CLCN7: variants seen among roughly 807,000 people sequenced by gnomAD.
CLCN7 encodes Cl-/H+ antiporter 7.
In CLCN7, 60 loss-of-function variants were observed where a neutral mutation model predicts 102.1. That is an observed-to-expected ratio of 0.59 (90% CI 0.48 to 0.73). The LOEUF is 0.73. Among genes scored for constraint, CLCN7 ranks in the 30% least tolerant of loss-of-function variants. The probability of loss-of-function intolerance (pLI) is 0.00; values close to 1 mark genes in which losing one functional copy is unlikely to be tolerated. For synonymous variants in CLCN7, 560 were observed against 490.5 expected, an observed-to-expected ratio of 1.14 and a Z score of -1.87; for missense variants, 962 against 1,125.7, an observed-to-expected ratio of 0.85 and a Z score of 2.08.
chr16:1,460,261 C>A (rs2038911973), intron 6 of CLCN7, among the ~76,000 whole-genome samples, 157 bp downstream of exon 6: 1 of 151,746 alleles, frequency 6.6e-6, no homozygotes, highest in Non-Finnish European at 1.5e-5. Context: ...GTCTGCTCCT[C>A]CTGAGGTTGT....
chr16:1,452,429 G>A (rs541429222), intron 15 of CLCN7: 18 of 392,206 alleles, frequency 4.6e-5, no homozygotes, highest in Admixed American at 7.9e-5. Context: ...AGTTGTGGAC[G>A]GAGGTTTGCA....
intron 1 of CLCN7, among the ~76,000 whole-genome samples, chr16:1,468,999 T>C (rs577430031): frequency 6.9e-6 from 1 of 145,846 alleles, no homozygotes; most frequent in Non-Finnish European, 1.5e-5. Context: ...GAGACCAGCC[T>C]GGCCAACATG....
chr16:1,452,676 C>T, intron 15 of CLCN7, 79 bp downstream of exon 15: 1 of 1,480,822 alleles, frequency 6.8e-7, no homozygotes, highest in Non-Finnish European at 9.1e-7. Flanking sequence ...AGCCCTCCTC[C>T]CGTAGCCTAA....
chr16:1,450,292 T>C, intron 17 of CLCN7: 2 of 548,704 alleles, frequency 3.6e-6, no homozygotes, highest in East Asian at 2.8e-5. Flanking sequence ...ACTCCACACA[T>C]GGGCTGCGCT....
chr16:1,451,570 C>T, intron 16 of CLCN7, 53 bp downstream of exon 16: 1 of 1,502,128 alleles, frequency 6.7e-7, no homozygotes, highest in Non-Finnish European at 9.2e-7. Flanking sequence ...AGCCAGAAGG[C>T]ATCACCCAGG....
At position 1,451,726 on chromosome 16, in the gene CLCN7, C is replaced by T. The variant is rs539676478; in HGVS notation, c.1354-10G>A. On this transcript the variant is annotated splice_polypyrimidine_tract_variant and intron_variant, in intron 15 of 24. Coordinates refer to ENST00000382745, the MANE Select transcript of CLCN7 (RefSeq NM_001287.6). ...CATCTGCACAAAAGAGCTGTGGGGT[C>T]GGGAGAGAGCACACGTTGGGAGGGG... The T allele has an allele frequency of 1.6e-5, 25 of 1,610,404 alleles. No homozygotes were observed. Among genetic ancestry groups the T allele is most frequent in the African/African-American group, 2.7e-5 (2 of 74,988 alleles).
rs181677844 is a variant in CLCN7, at chr16:1,452,383, G to A, written c.1353+372C>T. The A allele has an allele frequency of 6.1e-3, 1,867 of 305,580 alleles. 11 individuals are homozygous for A. The highest frequency in any genetic ancestry group is 9.9e-3 in the Non-Finnish European group (1,574 of 158,686). 18.9% of individuals were successfully genotyped at this position (305,580 alleles called of 1,614,324 possible). On this transcript the variant is annotated intron_variant, in intron 15 of 24. Coordinates refer to ENST00000382745, the MANE Select transcript of CLCN7 (RefSeq NM_001287.6). ...CGTGTCACAGTGCAGATGGACGCAC[G>A]GACGGCGGTGAGCCGTGAGCGCCAG...
At chr16:1,460,284 CG>C (rs2038912572) in intron 6 of CLCN7, 133 bp downstream of exon 6, 1 of 711,572 alleles carries the variant, frequency 1.4e-6, no homozygotes, top group African/African-American at 1.8e-5. Context: ...GTCTGGACCA[CG>C]TGATTCTAAA....
Position 1,452,780 on chromosome 16 carries a change from C to T in CLCN7, c.1328G>A (p.Gly443Glu), listed in dbSNP as rs2038773164. 4 of 1,605,186 alleles carry T rather than the reference C, an allele frequency of 2.5e-6. No individual in the cohort carries two copies. The highest frequency in any genetic ancestry group is 3.4e-6 in the Non-Finnish European group (4 of 1,176,488). The part of the protein sequence containing the change: ...YSSRDCQPLQ[G>E]GSMSYPLQLF... ...CTGCAGCGGGTAGGACATGGAGCCCCCCTGCAGGGGCTGGCAATCCCGCGA... is the reference window on the plus strand; with the variant it reads ...CTGCAGCGGGTAGGACATGGAGCCCTCCTGCAGGGGCTGGCAATCCCGCGA... Residue 443 changes from glycine (G) to glutamate (E), a missense_variant, in exon 15 of 25, where the codon GGG becomes GAG. Physicochemically the swap from Gly to Glu is moderately conservative, Grantham distance 98 (BLOSUM62 -2). Coordinates refer to ENST00000382745, the MANE Select transcript of CLCN7 (RefSeq NM_001287.6).
intron 2 of CLCN7, among the ~76,000 whole-genome samples, chr16:1,463,136 G>C (rs1192305349): frequency 6.6e-6 from 1 of 151,572 alleles, no homozygotes; most frequent in East Asian, 1.9e-4. Flanking sequence ...CTCAAAAAAA[G>C]AGAGAGAGAG....
intron 2 of CLCN7, among the ~76,000 whole-genome samples, chr16:1,464,327 G>A (rs768872719): frequency 3.9e-5 from 6 of 152,216 alleles, no homozygotes; most frequent in African/African-American, 7.2e-5. Flanking sequence ...AATCTCACGT[G>A]CTGGCTTTTT....
chr16:1,474,775 C>T (rs1017530912), intron 1 of CLCN7, 59 bp downstream of exon 1: 29 of 1,223,938 alleles, frequency 2.4e-5, no homozygotes, highest in Non-Finnish European at 2.7e-5. Flanking sequence ...CTCACGAGGG[C>T]GCGGGCTGCG....
At chr16:1,472,397 A>C (rs1040603355) in intron 1 of CLCN7, 1 of 151,970 alleles carries the variant, frequency 6.6e-6, no homozygotes, top group African/African-American at 2.4e-5. Flanking sequence ...TACTCGGCTA[A>C]TTTTTCTATT....
intron 13 of CLCN7, 127 bp downstream of exon 13, chr16:1,454,284 C>T (rs2038799214): frequency 1.1e-6 from 1 of 904,018 alleles, no homozygotes; most frequent in Non-Finnish European, 1.8e-6. Context: ...AATCTGGAGG[C>T]CCCCGGGTGG....
chr16:1,453,359 G>A (rs189993516), intron 14 of CLCN7, among the ~76,000 whole-genome samples: 3 of 152,222 alleles, frequency 2.0e-5, no homozygotes, highest in South Asian at 4.1e-4. Context: ...TCCTGGGGTC[G>A]TCCTCTTCCC....
chr16:1,466,298 C>T (rs1226190448), intron 1 of CLCN7, among the ~76,000 whole-genome samples: 1 of 152,230 alleles, frequency 6.6e-6, no homozygotes, highest in Non-Finnish European at 1.5e-5. Context: ...GTCCCCTCCT[C>T]ATCCCCCCAT....
intron 6 of CLCN7, among the ~76,000 whole-genome samples, 165 bp downstream of exon 6, chr16:1,460,253 C>G (rs530306929): frequency 6.6e-6 from 1 of 151,674 alleles, no homozygotes; most frequent in East Asian, 2.0e-4. Flanking sequence ...CCTGGTGTGT[C>G]TGCTCCTCCT....
rs543415913 is a variant in CLCN7 at position 1,450,396 on chromosome 16, C to T, written c.1617+101G>A. 3.0e-4 allele frequency: 341 copies of T among 1,125,734 alleles called. 2 individuals are homozygous for T. The Middle Eastern group carries it at 3.7e-3, about 12-fold the overall frequency. 69.7% of individuals were successfully genotyped at this position (1,125,734 alleles called of 1,614,324 possible). ...CACGGCCCGTGAACCACGTGAGGTGCGACACTTTTGTCCTGCCCTGGGACT... is the reference window on the plus strand; with the variant it reads ...CACGGCCCGTGAACCACGTGAGGTGTGACACTTTTGTCCTGCCCTGGGACT... On this transcript the variant is annotated intron_variant, in intron 17 of 24. Transcript: ENST00000382745.
chr16:1,454,935 A>T (rs544860550), intron 12 of CLCN7, among the ~76,000 whole-genome samples, 199 bp downstream of exon 12: 1 of 152,342 alleles, frequency 6.6e-6, no homozygotes, highest in South Asian at 2.1e-4. Flanking sequence ...CCTGCTGGTC[A>T]CATGGTGCCC....
Sources: allele counts gnomAD v4.1 joint callset (sites outside exome capture counted in the v4.1 genomes callset), GRCh38; gene constraint gnomAD v4.1.1; transcripts MANE v1.5; gene names NCBI Gene and HGNC (gene_info 2026-07-23, HGNC 2026-07-21).